CACNA2D3: variants seen among roughly 807,000 people sequenced by gnomAD.
The protein encoded by CACNA2D3 is voltage-dependent calcium channel subunit alpha-2/delta-3.
A neutral mutation model predicts 160.6 loss-of-function variants in CACNA2D3; 60 were observed. The observed-to-expected ratio is 0.37, with a 90% CI of 0.30 to 0.46. The LOEUF (loss-of-function observed/expected upper bound fraction) is 0.46, where lower values mean the gene tolerates loss of function less well. Ranked by LOEUF, CACNA2D3 falls within the 20% of genes least tolerant of loss-of-function variation. CACNA2D3 has a pLI of 1.00. For missense variants in CACNA2D3, 1,205 were observed against 1,365.0 expected (o/e 0.88, Z 1.85); for synonymous variants, 558 against 492.9 (o/e 1.13, Z -1.75).
At chr3:54,875,565 T>TG (rs1324276463) in intron 18 of CACNA2D3, 1 of 152,228 alleles carries the variant, frequency 6.6e-6, no homozygotes, top group Admixed American at 6.5e-5. Context: ...AGTGAATCTC[T>TG]GGGGAAAGCT....
At chr3:55,049,788 T>C (rs1391557986) in intron 35 of CACNA2D3, among the ~76,000 whole-genome samples, 1 of 150,206 alleles carries the variant, frequency 6.7e-6, no homozygotes, top group African/African-American at 2.5e-5. Flanking sequence ...TGGGTGCTCC[T>C]GTATTGGGTG....
intron 11 of CACNA2D3, among the ~76,000 whole-genome samples, chr3:54,742,424 TAATA>T (rs543803190): frequency 7.3e-5 from 11 of 151,720 alleles, no homozygotes; most frequent in African/African-American, 1.7e-4. Flanking sequence ...TCTCAAAAAA[TAATA>T]AATAAATAAA....
At chr3:54,798,363 T>C (rs1363274172) in intron 13 of CACNA2D3, among the ~76,000 whole-genome samples, 1 of 151,994 alleles carries the variant, frequency 6.6e-6, no homozygotes, top group Non-Finnish European at 1.5e-5. Context: ...TGAAACCCCA[T>C]CTGTACTAAA....
intron 4 of CACNA2D3, among the ~76,000 whole-genome samples, chr3:54,401,733 G>C (rs981112341): frequency 6.6e-6 from 1 of 152,080 alleles, no homozygotes; most frequent in Admixed American, 6.5e-5. Context: ...CACTAAACCC[G>C]TCTTAGAAGA....
chr3:54,796,868 A>G (rs1406536944), intron 13 of CACNA2D3, among the ~76,000 whole-genome samples: 1 of 152,082 alleles, frequency 6.6e-6, no homozygotes, highest in Non-Finnish European at 1.5e-5. Flanking sequence ...TTCAGTTTAC[A>G]TAGAGATAGG....
intron 23 of CACNA2D3, among the ~76,000 whole-genome samples, chr3:54,886,323 T>C (rs1575531257): frequency 6.6e-6 from 1 of 152,342 alleles, no homozygotes; most frequent in African/African-American, 2.4e-5. Context: ...CTCCATAGAA[T>C]GGATTTACTT....
intron 31 of CACNA2D3, among the ~76,000 whole-genome samples, chr3:55,000,458 G>A (rs1332983816): frequency 2.0e-5 from 3 of 152,112 alleles, no homozygotes; most frequent in Non-Finnish European, 4.4e-5. Context: ...TTCACATGGG[G>A]CTTAAAACCT....
intron 11 of CACNA2D3, among the ~76,000 whole-genome samples, chr3:54,645,749 T>A (rs1261659411): frequency 6.6e-6 from 1 of 152,114 alleles, no homozygotes; most frequent in Non-Finnish European, 1.5e-5. Context: ...AACTCAAAAC[T>A]CCCTAGGAAC....
intron 2 of CACNA2D3, among the ~76,000 whole-genome samples, chr3:54,225,140 T>C (rs1165270628): frequency 6.6e-6 from 1 of 151,976 alleles, no homozygotes; most frequent in African/African-American, 2.4e-5. Context: ...TGTGTGATGT[T>C]CCCCTTCCTG....
chr3:54,477,852 G>T (rs531444117), intron 4 of CACNA2D3, among the ~76,000 whole-genome samples: 38 of 152,250 alleles, frequency 2.5e-4, no homozygotes, highest in African/African-American at 9.1e-4. Context: ...TTCCCGTGGT[G>T]TACCCTCTTG....
intron 3 of CACNA2D3, among the ~76,000 whole-genome samples, chr3:54,368,259 C>T (rs750911291): frequency 4.6e-5 from 7 of 152,164 alleles, no homozygotes; most frequent in Admixed American, 6.5e-5. Context: ...CGCTTGAGCC[C>T]GGGAGTTCTA....
At chr3:54,559,047 C>T (rs559072957) in intron 5 of CACNA2D3, among the ~76,000 whole-genome samples, 1 of 152,184 alleles carries the variant, frequency 6.6e-6, no homozygotes, top group South Asian at 2.1e-4. Context: ...CCTCCTCTTC[C>T]TCATCATTAA....
intron 5 of CACNA2D3, among the ~76,000 whole-genome samples, chr3:54,506,661 G>A (rs1179142338): frequency 6.6e-6 from 1 of 152,184 alleles, no homozygotes; most frequent in Non-Finnish European, 1.5e-5. Context: ...TATTCATTGA[G>A]TGTTTAGAAA....
chr3:54,823,891 T>G (rs1019776673), intron 14 of CACNA2D3, among the ~76,000 whole-genome samples: 4 of 152,250 alleles, frequency 2.6e-5, no homozygotes, highest in Non-Finnish European at 1.5e-5. Flanking sequence ...TTCTGTATTA[T>G]GAGCGTACAT....
In CACNA2D3 at chr3:54,469,695, G is replaced by A. The variant is rs577139489; in HGVS notation, c.382-33797G>A. 7.9e-5 allele frequency among the ~76,000 whole-genome samples: 12 copies of A among 152,140 alleles called. 1 individual carries two copies. The highest frequency in any genetic ancestry group is 7.8e-4 in the Admixed American group (12 of 15,290). On this transcript the variant is annotated intron_variant, in intron 4 of 37. Transcript: ENST00000474759. ...CTAAGACCCTTGAAAAAAGGTTAGA[G>A]GAATTGCTAACTAGACTAACCAGTT...
chr3:54,231,578 A>C (rs1342777213), intron 2 of CACNA2D3, among the ~76,000 whole-genome samples: 2 of 152,188 alleles, frequency 1.3e-5, no homozygotes, highest in African/African-American at 2.4e-5. Flanking sequence ...ACTGTGTTTA[A>C]TCATGTTGTA....
chr3:55,017,197 G>A (rs1703343476), intron 34 of CACNA2D3, among the ~76,000 whole-genome samples: 1 of 152,118 alleles, frequency 6.6e-6, no homozygotes, highest in Non-Finnish European at 1.5e-5. Context: ...ATTCTCTTGG[G>A]GAAATGTTAA....
intron 13 of CACNA2D3, among the ~76,000 whole-genome samples, chr3:54,804,559 G>A (rs1383417555): frequency 6.6e-6 from 1 of 152,088 alleles, no homozygotes; most frequent in Non-Finnish European, 1.5e-5. Flanking sequence ...AGCAAGTCTT[G>A]AGTGACCTAC....
At chr3:54,919,074 A>G (rs1471124243) in intron 27 of CACNA2D3, among the ~76,000 whole-genome samples, 4 of 152,132 alleles carry the variant, frequency 2.6e-5, no homozygotes, top group Non-Finnish European at 5.9e-5. Flanking sequence ...TTGGCTAAAT[A>G]CTAAAAATGC....
Sources: gnomAD v4.1 joint callset for allele counts (sites outside exome capture counted in the v4.1 genomes callset) on GRCh38, gnomAD v4.1.1 for gene constraint, MANE v1.5 for transcripts, NCBI Gene and HGNC (gene_info 2026-07-23, HGNC 2026-07-21) for gene names.